The following PLXDC2 variants were observed in gnomAD, a reference collection of about 807,000 sequenced individuals.
PLXDC2 encodes the protein plexin domain containing 2.
In PLXDC2, 40 loss-of-function variants were observed where a neutral mutation model predicts 68.9. That is an observed-to-expected ratio of 0.58 (90% CI 0.45 to 0.76). The LOEUF is 0.76. PLXDC2 is among the 30% of genes least tolerant of loss of function. The pLI is 0.00. For missense variants in PLXDC2, 644 were observed against 661.9 expected, an observed-to-expected ratio of 0.97 and a Z score of 0.30; for synonymous variants, 243 against 234.2, an observed-to-expected ratio of 1.04 and a Z score of -0.34.
chr10:19,917,644 A>G (rs994827964), intron 1 of PLXDC2, among the ~76,000 whole-genome samples: 1 of 152,098 alleles, frequency 6.6e-6, no homozygotes, highest in East Asian at 1.9e-4. Flanking sequence ...GGCTGTTTGT[A>G]TTTTCTCACA....
intron 9 of PLXDC2, among the ~76,000 whole-genome samples, chr10:20,209,575 T>C (rs545929593): frequency 2.0e-5 from 3 of 152,096 alleles, no homozygotes; most frequent in South Asian, 2.1e-4. Flanking sequence ...TTGAAAGATA[T>C]TTGCTTTTGA....
intron 4 of PLXDC2, among the ~76,000 whole-genome samples, chr10:20,095,776 G>A (rs1347718918): frequency 1.3e-5 from 2 of 152,118 alleles, no homozygotes; most frequent in African/African-American, 4.8e-5. Flanking sequence ...GATCCTGGTG[G>A]TAGTTTGGAG....
intron 6 of PLXDC2, among the ~76,000 whole-genome samples, chr10:20,151,711 G>A (rs1246520693): frequency 6.6e-6 from 1 of 152,026 alleles, no homozygotes; most frequent in Non-Finnish European, 1.5e-5. Context: ...AGATAAGAGA[G>A]GTATTCCTAC....
intron 1 of PLXDC2, among the ~76,000 whole-genome samples, chr10:19,960,560 ATTC>A (rs1452599971): frequency 6.6e-6 from 1 of 151,862 alleles, no homozygotes; most frequent in Non-Finnish European, 1.5e-5. Flanking sequence ...ACCCTCTTTT[ATTC>A]TTCTATCCTC....
chr10:20,028,583 TAA>T (rs1835442359), intron 2 of PLXDC2, among the ~76,000 whole-genome samples: 1 of 152,176 alleles, frequency 6.6e-6, no homozygotes, highest in South Asian at 2.1e-4. Context: ...TTAACTGACA[TAA>T]GTTACTCTAA....
intron 10 of PLXDC2, among the ~76,000 whole-genome samples, chr10:20,214,942 G>C (rs1470810319): frequency 6.6e-6 from 1 of 152,182 alleles, no homozygotes; most frequent in Non-Finnish European, 1.5e-5. Flanking sequence ...CTGGTCAATA[G>C]ATGACTTTTT....
chr10:20,077,830 C>CA (rs1163042597), intron 4 of PLXDC2, among the ~76,000 whole-genome samples: 2 of 152,076 alleles, frequency 1.3e-5, no homozygotes, highest in Non-Finnish European at 2.9e-5. Flanking sequence ...ACAAAATACA[C>CA]AAAGCATAAA....
chr10:20,217,051 A>G (rs1044924134), intron 10 of PLXDC2, among the ~76,000 whole-genome samples: 8 of 152,340 alleles, frequency 5.3e-5, no homozygotes, highest in Admixed American at 3.9e-4. Context: ...AAACCTGAGT[A>G]TGTTTTAAAC....
chr10:20,050,734 A>AG (rs936237975), intron 3 of PLXDC2, among the ~76,000 whole-genome samples: 1 of 152,050 alleles, frequency 6.6e-6, no homozygotes, highest in Non-Finnish European at 1.5e-5. Context: ...ACAAAAAAAA[A>AG]CAGATGCTGG....
chr10:19,860,760 T>G (rs1837304234), intron 1 of PLXDC2, among the ~76,000 whole-genome samples: 1 of 152,184 alleles, frequency 6.6e-6, no homozygotes, highest in Admixed American at 6.5e-5. Flanking sequence ...AACTCTCAAC[T>G]CAGCAGGTGG....
chr10:19,831,128 T>C (rs965339025), intron 1 of PLXDC2, among the ~76,000 whole-genome samples: 1 of 152,228 alleles, frequency 6.6e-6, no homozygotes, highest in Non-Finnish European at 1.5e-5. Context: ...ATATTATCAA[T>C]GACCATTAAA....
At chr10:20,021,612 A>T (rs1333450744) in intron 2 of PLXDC2, among the ~76,000 whole-genome samples, 1 of 151,968 alleles carries the variant, frequency 6.6e-6, no homozygotes, top group Admixed American at 6.6e-5. Flanking sequence ...TTTCTTCCCC[A>T]TTCATTTCTC....
chr10:20,166,752 G>T (rs1834381650), intron 7 of PLXDC2, among the ~76,000 whole-genome samples: 1 of 152,016 alleles, frequency 6.6e-6, no homozygotes, highest in African/African-American at 2.4e-5. Context: ...TACAAATGTA[G>T]TTTAATATGC....
At chr10:19,866,021 GAAA>G (rs1554841008) in intron 1 of PLXDC2, among the ~76,000 whole-genome samples, 11 of 151,972 alleles carry the variant, frequency 7.2e-5, no homozygotes, top group Non-Finnish European at 1.3e-4. Flanking sequence ...CATTGCCAAT[GAAA>G]AAAATAAATT....
At chr10:19,839,780 T>C (rs1836869762) in intron 1 of PLXDC2, among the ~76,000 whole-genome samples, 1 of 152,198 alleles carries the variant, frequency 6.6e-6, no homozygotes, top group Non-Finnish European at 1.5e-5. Context: ...GCAGACTCTT[T>C]AGAATGTAGA....
chr10:20,123,394 G>A (rs750595825), intron 4 of PLXDC2, among the ~76,000 whole-genome samples: 6 of 152,116 alleles, frequency 3.9e-5, no homozygotes, highest in South Asian at 2.1e-4. Context: ...ATGCCTGGAC[G>A]TCAGGCATCT....
chr10:20,070,723 A>G (rs1402203560), intron 4 of PLXDC2: 4 of 152,220 alleles, frequency 2.6e-5, no homozygotes, highest in African/African-American at 9.6e-5. Context: ...ACAGTGTTCT[A>G]TTGAATTTTT....
intron 1 of PLXDC2, among the ~76,000 whole-genome samples, chr10:19,875,285 C>A (rs1187067913): frequency 6.6e-6 from 1 of 152,144 alleles, no homozygotes; most frequent in Non-Finnish European, 1.5e-5. Context: ...GAGTTAGCGG[C>A]TCTTTCTCAG....
At position 20,245,593 on chromosome 10, in the gene PLXDC2, A is replaced by G. The variant is rs1564365550; in HGVS notation, c.1473+88A>G. The G allele has an allele frequency of 4.3e-6, 6 of 1,403,502 alleles. No homozygotes were observed. The East Asian group carries it at 7.0e-5, about 16-fold the overall frequency. 86.9% of individuals were successfully genotyped at this position (1,403,502 alleles called of 1,614,324 possible). A position where few individuals can be genotyped will look rare whatever the true frequency, so the allele number is the denominator to read the frequency against. ...ACCACCTGGATTTAATATTTACCACATGGCTTCTCCATTTTTCAGTTCAAG... is the reference window on the plus strand; with the variant it reads ...ACCACCTGGATTTAATATTTACCACGTGGCTTCTCCATTTTTCAGTTCAAG... On this transcript the variant is annotated intron_variant, in intron 13 of 13. Transcript: ENST00000377252.
Sources: allele counts gnomAD v4.1 joint callset (sites outside exome capture counted in the v4.1 genomes callset), GRCh38; gene constraint gnomAD v4.1.1; transcripts MANE v1.5; gene names NCBI Gene and HGNC (gene_info 2026-07-23, HGNC 2026-07-21).